TMEM26: variants seen among roughly 807,000 people sequenced by gnomAD.
TMEM26 encodes transmembrane protein 26.
In TMEM26, 38 loss-of-function variants were observed where a neutral mutation model predicts 28.8. That is an observed-to-expected ratio of 1.32 (90% CI 1.02 to 1.73). TMEM26 has a LOEUF of 1.73. Among genes scored for constraint, TMEM26 ranks in the 40% most tolerant of loss-of-function variants. The pLI, the probability that TMEM26 is intolerant of heterozygous loss-of-function variation, is 0.00. For synonymous variants in TMEM26, 227 were observed against 182.9 expected, an observed-to-expected ratio of 1.24 and a Z score of -1.95; for missense variants, 518 against 447.1, an observed-to-expected ratio of 1.16 and a Z score of -1.43.
At chr10:61,426,659 T>A (rs1175830398) in intron 4 of TMEM26, among the ~76,000 whole-genome samples, 1 of 152,024 alleles carries the variant, frequency 6.6e-6, no homozygotes, top group Non-Finnish European at 1.5e-5. Flanking sequence ...GAATAAAACA[T>A]TAGAAAAAGT....
At chr10:61,444,671 ACAC>A (rs1840151031) in intron 1 of TMEM26, among the ~76,000 whole-genome samples, 1 of 150,164 alleles carries the variant, frequency 6.7e-6, no homozygotes, top group Non-Finnish European at 1.5e-5. Context: ...AAAAAAAAAA[ACAC>A]CAACAGAACT....
intron 4 of TMEM26, among the ~76,000 whole-genome samples, chr10:61,428,117 T>G (rs1268525053): frequency 6.6e-6 from 1 of 152,172 alleles, no homozygotes; most frequent in Non-Finnish European, 1.5e-5. Flanking sequence ...CTTTATGTTT[T>G]GTTGTTTGAG....
intron 1 of TMEM26, among the ~76,000 whole-genome samples, chr10:61,447,379 A>T (rs377037564): frequency 1.1e-4 from 17 of 152,366 alleles, no homozygotes; most frequent in East Asian, 9.6e-4. Context: ...CACAGTATGC[A>T]TCTGTCAAGT....
chr10:61,410,581 T>C lies in TMEM26; in HGVS notation c.848A>G (p.Asn283Ser), dbSNP rs766389064. 2.9e-5 allele frequency: 46 copies of C among 1,613,980 alleles called. No individual in the cohort carries two copies. The highest frequency in any genetic ancestry group is 3.3e-5 in the Non-Finnish European group (39 of 1,180,032). ...LILMTYFKVI[N>S]QMLVFFAAKN... ...CGCGGCAAAGAACACCAGCATCTGA[T>C]TGATCACTTTGAAATAGGTCATCAG... The change falls in exon 6 of 6, where the codon AAT becomes AGT. Residue 283 changes from asparagine (N) to serine (S), a missense_variant. Asn to Ser is a conservative substitution (Grantham distance 46). Coordinates refer to ENST00000399298, the MANE Select transcript of TMEM26 (RefSeq NM_178505.8).
chr10:61,410,419 G>C lies in TMEM26; in HGVS notation c.1010C>G (p.Pro337Arg), dbSNP rs1839549437. The C allele has an allele frequency of 6.2e-7, 1 of 1,613,978 alleles. No individual in the cohort carries two copies. Among genetic ancestry groups the C allele is most frequent in the East Asian group, 2.2e-5 (1 of 44,840 alleles). ...GCRAQTSESG[P>R]SQRDWQNESK... ...CTCGTTCTGCCAGTCCCGCTGAGAG[G>C]GCCCACTCTCAGAGGTCTGTGCCCG... The change falls in exon 6 of 6, where the codon CCC (proline) becomes CGC (arginine). Residue 337 changes from proline (P) to arginine (R), a missense_variant. Transcript: ENST00000399298.
Position 61,441,320 on chromosome 10 carries a change from A to G in TMEM26, c.192-5072T>C, listed in dbSNP as rs541959876. On this transcript the variant is annotated intron_variant, in intron 1 of 5. Transcript: ENST00000399298. ...CTTCTTGAAATGTCATCATAAATTG[A>G]TTTTTATTGGAAGATTTACAGAAGA... Among the ~76,000 whole-genome samples the G allele has an allele frequency of 2.0e-5, 3 of 152,262 alleles. No individual in the cohort carries two copies. In the South Asian group the frequency reaches 6.2e-4, roughly 32 times the overall value.
intron 4 of TMEM26, among the ~76,000 whole-genome samples, chr10:61,421,080 C>T (rs1839738762): frequency 1.3e-5 from 2 of 152,070 alleles, no homozygotes; most frequent in South Asian, 4.2e-4. Flanking sequence ...GGCAACAGTG[C>T]TATGACCAAA....
chr10:61,428,598 A>G (rs1287933344), intron 4 of TMEM26, among the ~76,000 whole-genome samples: 1 of 152,028 alleles, frequency 6.6e-6, no homozygotes, highest in Admixed American at 6.6e-5. Context: ...GGAGCTGGGG[A>G]TGGTCATTCC....
chr10:61,423,719 C>A (rs182656493), intron 4 of TMEM26, among the ~76,000 whole-genome samples: 161 of 152,152 alleles, frequency 1.1e-3, no homozygotes, highest in African/African-American at 3.7e-3. Flanking sequence ...GGCTAAAGGG[C>A]AAGACCCTGT....
At chr10:61,410,890 G>C (rs1839559050) in intron 5 of TMEM26, 144 bp from the exon 6 acceptor site, 2 of 891,750 alleles carry the variant, frequency 2.2e-6, no homozygotes, top group Non-Finnish European at 3.4e-6. Context: ...CAAATGGAAT[G>C]ATCCAGTAAT....
Position 61,429,029 on chromosome 10 carries a change from C to T in TMEM26, c.502G>A (p.Gly168Arg), listed in dbSNP as rs1244795948. 3.7e-6 allele frequency: 6 copies of T among 1,613,160 alleles called. No homozygotes were observed. Among genetic ancestry groups the T allele is most frequent in the South Asian group, 1.1e-5 (1 of 91,056 alleles). ...IGRWLLPIGG[G>R]ITRDQLSQLL... The stretch of plus-strand genomic sequence containing the variant: ...TGAGAGAGTTGATCTCGAGTGATCC[C>T]GCCTCCAATGGGTAGAAGCCATCTT... Residue 168 changes from glycine to arginine, a missense_variant, in exon 4 of 6, where the codon GGG becomes AGG. Physicochemically the swap from Gly to Arg is moderately radical, Grantham distance 125. Transcript: ENST00000399298.
intron 4 of TMEM26, chr10:61,415,218 G>T: frequency 1.1e-6 from 1 of 934,170 alleles, no homozygotes; most frequent in Non-Finnish European, 1.3e-6. Context: ...ATAAAAAAGG[G>T]CTCAAAGATT....
chr10:61,416,024 C>A (rs1351894520), intron 4 of TMEM26: 3 of 433,972 alleles, frequency 6.9e-6, no homozygotes, highest in Non-Finnish European at 1.4e-5. Context: ...AATTTCATCA[C>A]AATAGAGGAA....
intron 5 of TMEM26, among the ~76,000 whole-genome samples, chr10:61,412,305 C>T (rs376923489): frequency 8.6e-5 from 13 of 152,008 alleles, no homozygotes; most frequent in African/African-American, 2.2e-4. Context: ...TAAGTGATTC[C>T]GTTTTTGGCA....
intron 1 of TMEM26, among the ~76,000 whole-genome samples, chr10:61,449,899 A>G (rs1429021624): frequency 2.6e-5 from 4 of 152,164 alleles, no homozygotes; most frequent in Non-Finnish European, 5.9e-5. Context: ...AAATGTAACC[A>G]TAATATACAC....
chr10:61,445,230 T>A (rs1047778614), intron 1 of TMEM26, among the ~76,000 whole-genome samples: 1 of 152,156 alleles, frequency 6.6e-6, no homozygotes, highest in African/African-American at 2.4e-5. Context: ...ATCACTAGTA[T>A]TAAGAGACTG....
chr10:61,444,222 A>C (rs1840140972), intron 1 of TMEM26, among the ~76,000 whole-genome samples: 1 of 152,186 alleles, frequency 6.6e-6, no homozygotes, highest in African/African-American at 2.4e-5. Flanking sequence ...TTCTCATATA[A>C]CTATACATAT....
At chr10:61,434,215 A>G (rs750774859) in intron 2 of TMEM26, among the ~76,000 whole-genome samples, 3 of 152,030 alleles carry the variant, frequency 2.0e-5, no homozygotes, top group Non-Finnish European at 4.4e-5. Flanking sequence ...CTGGGCATTC[A>G]TTTTAATTCT....
chr10:61,426,285 C>A (rs1839830737), intron 4 of TMEM26, among the ~76,000 whole-genome samples: 1 of 151,906 alleles, frequency 6.6e-6, no homozygotes, highest in African/African-American at 2.4e-5. Context: ...AGACTGACTG[C>A]AAACTGCCAC....
Sources: allele counts gnomAD v4.1 joint callset (sites outside exome capture counted in the v4.1 genomes callset), GRCh38; gene constraint gnomAD v4.1.1; transcripts MANE v1.5; gene names NCBI Gene and HGNC (gene_info 2026-07-23, HGNC 2026-07-21).